PCDHGB4: variants seen among roughly 807,000 people sequenced by gnomAD.
PCDHGB4 encodes protocadherin gamma subfamily B, 4.
In PCDHGB4, 38 loss-of-function variants were observed where a neutral mutation model predicts 60.5. The ratio of observed to expected loss-of-function variants is 0.63; its 90% CI spans 0.48 to 0.82. The LOEUF is 0.82. PCDHGB4 is among the 40% of genes least tolerant of loss of function. The pLI, the probability that PCDHGB4 is intolerant of heterozygous loss-of-function variation, is 0.00. For synonymous variants in PCDHGB4, 456 were observed against 509.7 expected (o/e 0.89, Z 1.42); for missense variants, 1,109 against 1,209.6 (o/e 0.92, Z 1.23).
At chr5:141,494,768 C>T (rs758949982) in intron 1 of PCDHGB4, 39 bp from the exon 2 acceptor site, 1 of 1,614,060 alleles carries the variant, frequency 6.2e-7, no homozygotes, top group South Asian at 1.1e-5. Flanking sequence ...TCTAACTTCT[C>T]ACGGGTACTC....
At chr5:141,468,965 T>C (rs2099187692) in intron 1 of PCDHGB4, among the ~76,000 whole-genome samples, 1 of 151,738 alleles carries the variant, frequency 6.6e-6, no homozygotes, top group Admixed American at 6.6e-5. Context: ...TTTTTTACCT[T>C]AGGCTTTTGA....
intron 1 of PCDHGB4, chr5:141,411,396 C>G (rs985023346): frequency 2.1e-5 from 3 of 145,420 alleles, no homozygotes; most frequent in African/African-American, 5.1e-5. Context: ...ATAGGGAGAC[C>G]CCCCATCTCT....
In PCDHGB4 at chr5:141,477,200, C is replaced by A; in HGVS notation, c.2398-17607C>A. On this transcript the variant is annotated intron_variant, in intron 1 of 3. Transcript: ENST00000519479. The surrounding 1 kb of genome is among the most constrained non-coding windows in gnomAD (Gnocchi z 4.9). The stretch of plus-strand genomic sequence containing the variant: ...AGTCACCTCCGTGTACAGCCCAGTA[C>A]CCGAGGATGCCCCTCTGGGGACTGT... 6.2e-7 allele frequency: 1 copy of A among 1,614,206 alleles called. No homozygotes were observed. Among genetic ancestry groups the A allele is most frequent in the South Asian group, 1.1e-5 (1 of 91,088 alleles).
chr5:141,425,881 A>T (rs911454948), intron 1 of PCDHGB4, among the ~76,000 whole-genome samples: 1 of 152,230 alleles, frequency 6.6e-6, no homozygotes, highest in Non-Finnish European at 1.5e-5. Flanking sequence ...TCTCTAAGGA[A>T]TCTTCTTTGG....
Position 141,415,510 on chromosome 5 carries a change from T to C in PCDHGB4, c.2397+25229T>C, listed in dbSNP as rs780820182. On this transcript the variant is annotated intron_variant, in intron 1 of 3. Coordinates refer to ENST00000519479, the MANE Select transcript of PCDHGB4 (RefSeq NM_003736.4). ...TCACCTGATCTTCCCCCAGCCCAAT[T>C]ATGCGGACACGCTCATCAGCCAGGA... The C allele has an allele frequency of 2.5e-6, 4 of 1,614,088 alleles. No homozygotes were observed. The African/African-American group carries it at 5.3e-5, about 22-fold the overall frequency.
At chr5:141,408,815 C>T (rs770899981) in intron 1 of PCDHGB4, 1 of 1,613,406 alleles carries the variant, frequency 6.2e-7, no homozygotes, top group Non-Finnish European at 8.5e-7. Flanking sequence ...CCGGGAAGAA[C>T]AGAGATCTCA....
intron 1 of PCDHGB4, chr5:141,409,995 C>T: frequency 1.2e-6 from 2 of 1,613,308 alleles, no homozygotes; most frequent in Non-Finnish European, 1.7e-6. Context: ...GACGCCGACT[C>T]GGGACACAAC....
At chr5:141,464,120 C>G (rs1297254980) in intron 1 of PCDHGB4, among the ~76,000 whole-genome samples, 1 of 151,976 alleles carries the variant, frequency 6.6e-6, no homozygotes, top group African/African-American at 2.4e-5. Flanking sequence ...CAAAAATTAG[C>G]TGGGTGTGGT....
intron 1 of PCDHGB4, chr5:141,413,323 G>A (rs1221252167): frequency 2.5e-6 from 4 of 1,613,840 alleles, no homozygotes; most frequent in Non-Finnish European, 3.4e-6. Flanking sequence ...CTCTTTCGTG[G>A]GCAACATCTC....
intron 1 of PCDHGB4, among the ~76,000 whole-genome samples, chr5:141,452,019 C>T (rs1227308101): frequency 3.3e-5 from 5 of 152,194 alleles, no homozygotes; most frequent in African/African-American, 1.2e-4. Flanking sequence ...AGCCCACACT[C>T]TGGGGAGATG....
intron 1 of PCDHGB4, among the ~76,000 whole-genome samples, chr5:141,461,782 TAG>T (rs2099022757): frequency 6.6e-6 from 1 of 152,086 alleles, no homozygotes; most frequent in South Asian, 2.1e-4. Context: ...GCCTCCCAAG[TAG>T]CTGGGATTAC....
intron 1 of PCDHGB4, chr5:141,423,606 GAT>G: frequency 6.2e-7 from 1 of 1,612,164 alleles, no homozygotes; most frequent in African/African-American, 1.3e-5. Flanking sequence ...AGCCACTCTT[GAT>G]AGCTGAAGAC....
chr5:141,410,246 TCTGACCCCCAGG>T (rs2095371499), intron 1 of PCDHGB4: 2 of 1,614,004 alleles, frequency 1.2e-6, no homozygotes, highest in Admixed American at 3.3e-5. Flanking sequence ...CCCTGTACTC[TCTGACCCCCAGG>T]CTGAACTGCA....
rs543366398 is a variant in PCDHGB4 at position 141,390,062 on chromosome 5, G to A, written c.2178G>A (p.Gln726=). Residue 726 remains glutamine, a synonymous_variant, in exon 1 of 4, where the codon CAG becomes CAA. Coordinates refer to ENST00000519479, the MANE Select transcript of PCDHGB4 (RefSeq NM_003736.4). The part of the protein sequence containing the change: ...SSSPASWSCF[Q]PGLCVKSESV... ...GCCCCGCCTCCTGGAGCTGCTTCCAGCCTGGTCTCTGTGTTAAATCCGAAT... is the reference window on the plus strand; with the variant it reads ...GCCCCGCCTCCTGGAGCTGCTTCCAACCTGGTCTCTGTGTTAAATCCGAAT... 101 of 1,614,064 alleles carry A rather than the reference G, an allele frequency of 6.3e-5. 1 individual carries two copies. The Admixed American group carries it at 8.2e-4, about 13-fold the overall frequency.
chr5:141,490,030 C>G lies in PCDHGB4; in HGVS notation c.2398-4777C>G, dbSNP rs1361758608. The G allele has an allele frequency of 1.2e-6, 2 of 1,614,150 alleles. No individual in the cohort carries two copies. Among genetic ancestry groups the G allele is most frequent in the African/African-American group, 2.7e-5 (2 of 74,936 alleles). The stretch of plus-strand genomic sequence containing the variant: ...ACCCATTGGTACTCTGCTGCTCCGC[C>G]TCAATGCCACTGATCCAGACGAGGG... On this transcript the variant is annotated intron_variant, in intron 1 of 3. Coordinates refer to ENST00000519479, the MANE Select transcript of PCDHGB4 (RefSeq NM_003736.4). This position sits in a 1 kb window ranked among gnomAD's most constrained non-coding sequence, Gnocchi z 5.4.
chr5:141,388,455 T>C lies in PCDHGB4; in HGVS notation c.571T>C (p.Tyr191His). 6.2e-7 allele frequency: 1 copy of C among 1,613,784 alleles called. No homozygotes were observed. Among genetic ancestry groups the C allele is most frequent in the South Asian group, 1.1e-5 (1 of 91,080 alleles). ...INKEKSDGSK[Y>H]PEMVLKTPLD... is the part of the protein sequence containing the mutation. The stretch of plus-strand genomic sequence containing the variant: ...TAAAGAGAAATCAGATGGCAGTAAA[T>C]ACCCTGAGATGGTATTGAAGACACC... The change falls in exon 1 of 4, where the codon TAC becomes CAC. Residue 191 changes from tyrosine to histidine, a missense_variant. Coordinates refer to ENST00000519479, the MANE Select transcript of PCDHGB4 (RefSeq NM_003736.4).
At chr5:141,409,868 A>G in intron 1 of PCDHGB4, 2 of 1,612,688 alleles carry the variant, frequency 1.2e-6, no homozygotes, top group South Asian at 1.1e-5. Context: ...GGGAGACCGC[A>G]ATGACAACGC....
In PCDHGB4 at chr5:141,485,956, C is replaced by T. The variant is rs1430530851; in HGVS notation, c.2398-8851C>T. 1 of 1,614,150 alleles carries T rather than the reference C, an allele frequency of 6.2e-7. No individual in the cohort carries two copies. Among genetic ancestry groups the T allele is most frequent in the South Asian group, 1.1e-5 (1 of 91,074 alleles). ...AGAGCGCACCAGCGGGCATGGTGCT[C>T]ATCCAGCTCAATGCCTCAGACCCGG... On this transcript the variant is annotated intron_variant, in intron 1 of 3. Coordinates refer to ENST00000519479, the MANE Select transcript of PCDHGB4 (RefSeq NM_003736.4). This position sits in a 1 kb window ranked among gnomAD's most constrained non-coding sequence, Gnocchi z 5.7.
chr5:141,458,421 G>T (rs1294502132), intron 1 of PCDHGB4, among the ~76,000 whole-genome samples: 1 of 152,114 alleles, frequency 6.6e-6, no homozygotes, highest in African/African-American at 2.4e-5. Context: ...GGGTTCCAAA[G>T]CTGAAAGAGG....
Sources: allele counts gnomAD v4.1 joint callset (sites outside exome capture counted in the v4.1 genomes callset), GRCh38; gene constraint gnomAD v4.1.1; non-coding constraint Gnocchi (gnomAD v3.1); transcripts MANE v1.5; gene names NCBI Gene and HGNC (gene_info 2026-07-23, HGNC 2026-07-21).